HEMK2: variants seen among roughly 807,000 people sequenced by gnomAD.
The protein encoded by HEMK2 is HemK methyltransferase 2, ETF1 glutamine and histone H4 lysine.
the HEMK2 span, chr21:28,880,071 G>A: frequency 2.1e-5 from 12 of 564,132 alleles, no homozygotes; most frequent in East Asian, 3.1e-5. Flanking sequence ...TACGGGCTAC[G>A]CTTGTAGACA....
the HEMK2 span, among the ~76,000 whole-genome samples, chr21:28,576,530 C>A: frequency 2.0e-5 from 3 of 152,008 alleles, no homozygotes; most frequent in Non-Finnish European, 4.4e-5. Flanking sequence ...GTCTTATCCC[C>A]ATTTTCTTAA....
At chr21:28,722,986 A>C in the HEMK2 span, among the ~76,000 whole-genome samples, 5 of 151,784 alleles carry the variant, frequency 3.3e-5, no homozygotes, top group Admixed American at 2.6e-4. Context: ...AGAACTCCAT[A>C]CAGGCCTTGT....
the HEMK2 span, among the ~76,000 whole-genome samples, chr21:28,858,546 A>C: frequency 1.9e-4 from 28 of 150,602 alleles, no homozygotes; most frequent in Admixed American, 7.3e-4. Flanking sequence ...GAAAACAGGA[A>C]GGAGGGAGGG....
At chr21:28,684,862 T>C in the HEMK2 span, among the ~76,000 whole-genome samples, 3 of 152,200 alleles carry the variant, frequency 2.0e-5, no homozygotes, top group Non-Finnish European at 4.4e-5. Flanking sequence ...TATGCACACT[T>C]AGATTTCTAG....
the HEMK2 span, among the ~76,000 whole-genome samples, chr21:28,734,564 T>G: frequency 6.6e-6 from 1 of 152,194 alleles, no homozygotes; most frequent in African/African-American, 2.4e-5. Context: ...AATGAATTGT[T>G]TTTACATGAA....
At chr21:28,795,925 A>G in the HEMK2 span, among the ~76,000 whole-genome samples, 15 of 152,126 alleles carry the variant, frequency 9.9e-5, no homozygotes, top group Admixed American at 5.9e-4. Context: ...CAGCAGTTTG[A>G]CTGTTTAAAG....
the HEMK2 span, among the ~76,000 whole-genome samples, chr21:28,633,927 T>C: frequency 2.0e-5 from 3 of 152,292 alleles, no homozygotes; most frequent in Middle Eastern, 6.8e-3. Flanking sequence ...GAAGTTCTGA[T>C]AGTCACCAGC....
chr21:28,701,869 G>A, the HEMK2 span, among the ~76,000 whole-genome samples: 1 of 151,766 alleles, frequency 6.6e-6, no homozygotes, highest in African/African-American at 2.4e-5. Flanking sequence ...AGCTCAAATA[G>A]CCAAGGCAAA....
the HEMK2 span, among the ~76,000 whole-genome samples, chr21:28,622,110 T>C: frequency 1.3e-5 from 2 of 152,152 alleles, no homozygotes; most frequent in African/African-American, 4.8e-5. Flanking sequence ...CTCCTTAAAC[T>C]AATAAGCAGC....
At chr21:28,584,404 T>C in the HEMK2 span, among the ~76,000 whole-genome samples, 2 of 152,336 alleles carry the variant, frequency 1.3e-5, no homozygotes, top group African/African-American at 4.8e-5. Flanking sequence ...TCATAGCTTC[T>C]GAGTATAATT....
At chr21:28,679,171 A>G in the HEMK2 span, among the ~76,000 whole-genome samples, 1 of 152,208 alleles carries the variant, frequency 6.6e-6, no homozygotes, top group Non-Finnish European at 1.5e-5. Flanking sequence ...AGAGACACAT[A>G]TGGGCTCAAA....
the HEMK2 span, among the ~76,000 whole-genome samples, chr21:28,773,565 T>C: frequency 6.6e-6 from 1 of 152,158 alleles, no homozygotes; most frequent in East Asian, 1.9e-4. Context: ...AGGCAAGTAG[T>C]TTGTTTCCAA....
At chr21:28,624,891 G>A in the HEMK2 span, among the ~76,000 whole-genome samples, 1 of 152,200 alleles carries the variant, frequency 6.6e-6, no homozygotes. Flanking sequence ...AGGCCTAGGC[G>A]AGGCTTCTCC....
At chr21:28,866,160 AC>A in the HEMK2 span, among the ~76,000 whole-genome samples, 573 of 92,310 alleles carry the variant, frequency 6.2e-3, 86 homozygotes, top group Middle Eastern at 0.01. Context: ...AAAAACAAAA[AC>A]AAACAAAAAA....
chr21:28,668,150 T>C, the HEMK2 span, among the ~76,000 whole-genome samples: 1 of 152,160 alleles, frequency 6.6e-6, no homozygotes, highest in Non-Finnish European at 1.5e-5. Flanking sequence ...ACATTAAAGA[T>C]AACCTTAAAT....
At chr21:28,840,632 A>G in the HEMK2 span, among the ~76,000 whole-genome samples, 1 of 152,162 alleles carries the variant, frequency 6.6e-6, no homozygotes, top group Non-Finnish European at 1.5e-5. Context: ...GGAAATGCAA[A>G]TCAAAACCAC....
chr21:28,688,764 A>G, the HEMK2 span, among the ~76,000 whole-genome samples: 1 of 152,186 alleles, frequency 6.6e-6, no homozygotes, highest in Non-Finnish European at 1.5e-5. Context: ...GGCTGTCTCC[A>G]TTTTGTTTAC....
the HEMK2 span, among the ~76,000 whole-genome samples, chr21:28,680,275 C>G: frequency 6.6e-6 from 1 of 152,316 alleles, no homozygotes; most frequent in African/African-American, 2.4e-5. Context: ...AGAAACACCT[C>G]TACACAAATA....
chr21:28,863,407 CTTTTATATATATATATAT>C, the HEMK2 span, among the ~76,000 whole-genome samples: 11 of 66,470 alleles, frequency 1.7e-4, no homozygotes, highest in African/African-American at 6.5e-4. Context: ...AATAAACTCC[CTTTTATATATATATATAT>C]ATATATATAT....
Sources: gnomAD v4.1 joint callset for allele counts (sites outside exome capture counted in the v4.1 genomes callset) on GRCh38, gnomAD v4.1.1 for gene constraint, MANE v1.5 for transcripts, NCBI Gene and HGNC (gene_info 2026-07-23, HGNC 2026-07-21) for gene names.